NBEA: variants seen among roughly 807,000 people sequenced by gnomAD.
NBEA encodes lysosomal-trafficking regulator 2.
Under a neutral mutation model 343.4 loss-of-function variants are expected in NBEA, and 44 were observed. That is an observed-to-expected ratio of 0.13 (90% CI 0.10 to 0.16). The LOEUF (loss-of-function observed/expected upper bound fraction) is 0.16, where lower values mean the gene tolerates loss of function less well. Among genes scored for constraint, NBEA ranks in the 10% least tolerant of loss-of-function variants. NBEA has a pLI of 1.00. For missense variants in NBEA, 2,555 were observed against 3,631.3 expected (o/e 0.70, Z 7.62); for synonymous variants, 1,175 against 1,238.7 (o/e 0.95, Z 1.08).
chr13:35,034,426 G>A (rs1415610702), intron 1 of NBEA, among the ~76,000 whole-genome samples: 2 of 151,768 alleles, frequency 1.3e-5, no homozygotes, highest in Non-Finnish European at 2.9e-5. Flanking sequence ...TTTTTGTTGA[G>A]GATTTTTGCA....
At chr13:35,156,979 C>A in intron 20 of NBEA, 99 bp from the exon 21 acceptor site, 1 of 996,556 alleles carries the variant, frequency 1.0e-6, no homozygotes, top group Non-Finnish European at 1.4e-6. Flanking sequence ...TTACTGAGGT[C>A]AGATCATATT....
chr13:35,598,323 C>A (rs2081899799), intron 47 of NBEA, among the ~76,000 whole-genome samples: 1 of 152,222 alleles, frequency 6.6e-6, no homozygotes, highest in South Asian at 2.1e-4. Flanking sequence ...ACTGCAGGGA[C>A]AGGGACTGTC....
intron 13 of NBEA, among the ~76,000 whole-genome samples, chr13:35,113,594 T>TATCTATC (rs2066332655): frequency 6.8e-6 from 1 of 146,176 alleles, no homozygotes; most frequent in Non-Finnish European, 1.5e-5. Context: ...CTCATCTATC[T>TATCTATC]ATCTATCTAT....
At chr13:35,041,562 T>C (rs2062651194) in intron 2 of NBEA, among the ~76,000 whole-genome samples, 1 of 152,064 alleles carries the variant, frequency 6.6e-6, no homozygotes, top group African/African-American at 2.4e-5. Flanking sequence ...CCCCTCAATC[T>C]GGCATATATG....
At chr13:35,632,528 G>A (rs1309139168) in intron 49 of NBEA, among the ~76,000 whole-genome samples, 1 of 151,788 alleles carries the variant, frequency 6.6e-6, no homozygotes, top group Non-Finnish European at 1.5e-5. Context: ...ACAGAGAATG[G>A]TATAATGAAC....
chr13:35,136,910 C>T (rs939570654), intron 17 of NBEA, among the ~76,000 whole-genome samples: 4 of 152,112 alleles, frequency 2.6e-5, no homozygotes, highest in Non-Finnish European at 5.9e-5. Context: ...TAGACGAAGA[C>T]CCAACAATTC....
At chr13:34,971,505 T>C (rs2059995037) in intron 1 of NBEA, among the ~76,000 whole-genome samples, 1 of 152,228 alleles carries the variant, frequency 6.6e-6, no homozygotes, top group African/African-American at 2.4e-5. Context: ...TAGATGGCTC[T>C]TATTATTTTG....
chr13:35,143,374 A>C (rs147295220), intron 18 of NBEA, among the ~76,000 whole-genome samples: 61 of 152,316 alleles, frequency 4.0e-4, no homozygotes, highest in African/African-American at 1.3e-3. Flanking sequence ...TGTATTGCCA[A>C]ACCTAAGTTT....
intron 48 of NBEA, among the ~76,000 whole-genome samples, chr13:35,624,249 C>T (rs1344943938): frequency 6.6e-6 from 1 of 152,070 alleles, no homozygotes; most frequent in Non-Finnish European, 1.5e-5. Flanking sequence ...ACACAATCAA[C>T]TTCTAGAAAT....
At chr13:35,414,963 T>A (rs1323956365) in intron 38 of NBEA, among the ~76,000 whole-genome samples, 1 of 152,202 alleles carries the variant, frequency 6.6e-6, no homozygotes, top group African/African-American at 2.4e-5. Context: ...TGGTTTTGAT[T>A]TGCATTTCTC....
At chr13:35,478,959 A>C (rs909755804) in intron 41 of NBEA, among the ~76,000 whole-genome samples, 2 of 152,196 alleles carry the variant, frequency 1.3e-5, no homozygotes, top group African/African-American at 2.4e-5. Flanking sequence ...GGCTGGAGCC[A>C]GGCGCGCAGG....
chr13:35,312,960 T>C (rs1045585200), intron 36 of NBEA, among the ~76,000 whole-genome samples: 1 of 152,118 alleles, frequency 6.6e-6, no homozygotes, highest in Admixed American at 6.5e-5. Context: ...AGTATTGAGC[T>C]CTCCAAAGAG....
chr13:35,446,679 T>C (rs374790318), intron 39 of NBEA, among the ~76,000 whole-genome samples: 1 of 152,008 alleles, frequency 6.6e-6, no homozygotes, highest in Admixed American at 6.6e-5. Context: ...ATCAGTAAAA[T>C]AGTGAGGTTA....
At chr13:35,150,594 G>A (rs888546772) in intron 18 of NBEA, among the ~76,000 whole-genome samples, 1 of 152,130 alleles carries the variant, frequency 6.6e-6, no homozygotes, top group African/African-American at 2.4e-5. Flanking sequence ...CAACCAGGTT[G>A]TGTACTCTTA....
intron 11 of NBEA, among the ~76,000 whole-genome samples, chr13:35,107,433 A>G (rs960938904): frequency 1.3e-5 from 2 of 151,944 alleles, no homozygotes; most frequent in African/African-American, 4.8e-5. Flanking sequence ...ACATAATTCT[A>G]TTATATTAAT....
chr13:35,511,398 C>T (rs1243102993), intron 41 of NBEA, among the ~76,000 whole-genome samples: 4 of 152,110 alleles, frequency 2.6e-5, no homozygotes, highest in Admixed American at 6.5e-5. Context: ...ACATACAACT[C>T]AGAACACGTA....
At chr13:35,263,983 G>A (rs2033445103) in intron 34 of NBEA, among the ~76,000 whole-genome samples, 1 of 149,924 alleles carries the variant, frequency 6.7e-6, no homozygotes, top group Non-Finnish European at 1.5e-5. Context: ...AACACAAAGA[G>A]TTGTTTTTTT....
intron 34 of NBEA, among the ~76,000 whole-genome samples, chr13:35,267,828 TA>T (rs1218003591): frequency 2.5e-3 from 345 of 140,430 alleles, no homozygotes; most frequent in Middle Eastern, 0.011. Flanking sequence ...GGGTACTATT[TA>T]AAAAAAAAAA....
At chr13:35,394,944 ATC>A (rs2042673957) in intron 38 of NBEA, among the ~76,000 whole-genome samples, 1 of 152,130 alleles carries the variant, frequency 6.6e-6, no homozygotes, top group Middle Eastern at 3.4e-3. Context: ...CACAATTTTT[ATC>A]TGTTTTACTT....
Sources: allele counts gnomAD v4.1 joint callset (sites outside exome capture counted in the v4.1 genomes callset), GRCh38; gene constraint gnomAD v4.1.1; transcripts MANE v1.5; gene names NCBI Gene and HGNC (gene_info 2026-07-23, HGNC 2026-07-21).